Variants in GNA15 observed in about 807,000 individuals in gnomAD.
GNA15 encodes the protein G protein subunit alpha 15, also known as guanine nucleotide-binding protein subunit alpha-15.
In GNA15, 23 loss-of-function variants were observed where a neutral mutation model predicts 40.1. That is an observed-to-expected ratio of 0.57 (90% CI 0.41 to 0.81). GNA15 has a LOEUF of 0.81. Ranked by LOEUF, GNA15 falls within the 40% of genes least tolerant of loss-of-function variation. GNA15 has a pLI of 0.00. For missense variants in GNA15, 522 were observed against 515.8 expected (o/e 1.01, Z -0.12); for synonymous variants, 226 against 210.4 (o/e 1.07, Z -0.64).
At position 3,136,266 on chromosome 19, in the gene GNA15, C is replaced by T. The variant is rs1026969497; in HGVS notation, c.-185C>T. On this transcript the variant is annotated 5_prime_UTR_variant, in exon 1 of 7. Coordinates refer to ENST00000262958, the MANE Select transcript of GNA15 (RefSeq NM_002068.4). The surrounding 1 kb of genome is among the most constrained non-coding windows in gnomAD (Gnocchi z 4.9). Reference sequence around the variant, plus strand: ...CACTCAAGCCTTGCCACCGCCGAGCCGGGCTTCCTGGGTGTTTCAGGCAAG... The same window carrying T: ...CACTCAAGCCTTGCCACCGCCGAGCTGGGCTTCCTGGGTGTTTCAGGCAAG... 3.3e-6 allele frequency: 2 copies of T among 602,492 alleles called. No individual in the cohort carries two copies. Among genetic ancestry groups the T allele is most frequent in the Admixed American group, 3.1e-5 (1 of 32,276 alleles). 37.3% of individuals were successfully genotyped at this position (602,492 alleles called of 1,614,324 possible).
intron 1 of GNA15, among the ~76,000 whole-genome samples, chr19:3,145,570 G>A (rs1206740025): frequency 3.7e-5 from 4 of 108,306 alleles, no homozygotes; most frequent in African/African-American, 1.5e-4. Flanking sequence ...TTATTTTTGA[G>A]ATAGAGTCTC....
At chr19:3,153,758 G>A (rs994955883) in intron 4 of GNA15, among the ~76,000 whole-genome samples, 5 of 151,424 alleles carry the variant, frequency 3.3e-5, no homozygotes, top group African/African-American at 1.2e-4. Flanking sequence ...ATGGGTGGAT[G>A]AGTGGATGGA....
intron 1 of GNA15, among the ~76,000 whole-genome samples, chr19:3,138,180 C>T (rs183979603): frequency 1.7e-4 from 26 of 151,832 alleles, no homozygotes; most frequent in South Asian, 6.3e-4. Flanking sequence ...GCAGGAGAAT[C>T]GCTTGAAACC....
intron 6 of GNA15, 38 bp from the exon 7 acceptor site, chr19:3,162,755 G>A: frequency 6.9e-7 from 1 of 1,452,040 alleles, no homozygotes; most frequent in Non-Finnish European, 9.7e-7. Flanking sequence ...GGTCCAAAGA[G>A]GGAGGGTCCT....
At chr19:3,161,487 T>G (rs1013526309) in intron 6 of GNA15, among the ~76,000 whole-genome samples, 1 of 152,140 alleles carries the variant, frequency 6.6e-6, no homozygotes, top group Non-Finnish European at 1.5e-5. Flanking sequence ...TCAGAGCCCA[T>G]GAGGCCAATT....
At chr19:3,145,999 C>T (rs1250741596) in intron 1 of GNA15, among the ~76,000 whole-genome samples, 2 of 152,158 alleles carry the variant, frequency 1.3e-5, no homozygotes, top group East Asian at 1.9e-4. Flanking sequence ...GCGTTGGAGA[C>T]AGCCCTTTGG....
intron 6 of GNA15, among the ~76,000 whole-genome samples, chr19:3,158,399 G>A (rs1348749173): frequency 2.6e-5 from 4 of 151,930 alleles, no homozygotes; most frequent in Admixed American, 1.3e-4. Flanking sequence ...TGATCCACCC[G>A]CCTCAGCCTC....
At chr19:3,148,845 G>A (rs1009495553) in intron 2 of GNA15, 70 bp downstream of exon 2, 5 of 1,444,464 alleles carry the variant, frequency 3.5e-6, no homozygotes, top group Non-Finnish European at 4.6e-6. Flanking sequence ...AGACCCCGGA[G>A]CAGGGCCAAG....
chr19:3,152,882 C>A (rs1423183504), intron 4 of GNA15, among the ~76,000 whole-genome samples: 1 of 152,094 alleles, frequency 6.6e-6, no homozygotes, highest in Non-Finnish European at 1.5e-5. Flanking sequence ...GTCTCCTCTA[C>A]AAGATGGAGA....
chr19:3,150,766 G>A (rs1353696119), intron 3 of GNA15, among the ~76,000 whole-genome samples: 1 of 152,000 alleles, frequency 6.6e-6, no homozygotes, highest in African/African-American at 2.4e-5. Context: ...TGTTCTTGGG[G>A]GGAACCCTGA....
Position 3,150,115 on chromosome 19 carries a change from C to T in GNA15, c.331-16C>T, listed in dbSNP as rs1270102087. The T allele has an allele frequency of 8.1e-6, 13 of 1,608,716 alleles. No homozygotes were observed. In the East Asian group the frequency reaches 2.2e-4, roughly 28 times the overall value. ...TCAGAAAGGCTACCCTAACTGCCCC[C>T]GTCCTCCCTCCCCAGCACCACGCTA... On this transcript the variant is annotated splice_polypyrimidine_tract_variant and intron_variant, in intron 2 of 6. Coordinates refer to ENST00000262958, the MANE Select transcript of GNA15 (RefSeq NM_002068.4).
At position 3,148,595 on chromosome 19, in the gene GNA15, A is replaced by G; in HGVS notation, c.150A>G (p.Pro50=). 1.9e-6 allele frequency: 3 copies of G among 1,574,248 alleles called. No individual in the cohort carries two copies. The highest frequency in any genetic ancestry group is 2.6e-6 in the Non-Finnish European group (3 of 1,159,530). Residue 50 remains proline (P), a synonymous_variant, in exon 2 of 7, where the codon CCA becomes CCG. Transcript: ENST00000262958. ...GTTCTGCTGCTCCATCCCCAGGCCC[A>G]GGCGAGAGCGGGAAGAGCACCTTCA... ...RGELKLLLLG[P]GESGKSTFIK... is the part of the protein sequence containing the mutation.
chr19:3,148,590 G>C lies in GNA15; in HGVS notation c.146-1G>C. On this transcript the variant is annotated splice_acceptor_variant, in intron 1 of 6. Coordinates refer to ENST00000262958, the MANE Select transcript of GNA15 (RefSeq NM_002068.4). LOFTEE classifies it high-confidence loss of function. Reference sequence around the variant, plus strand: ...GAGCGGTTCTGCTGCTCCATCCCCAGGCCCAGGCGAGAGCGGGAAGAGCAC... The same window carrying C: ...GAGCGGTTCTGCTGCTCCATCCCCACGCCCAGGCGAGAGCGGGAAGAGCAC... 6.4e-7 allele frequency: 1 copy of C among 1,570,546 alleles called. No homozygotes were observed. Among genetic ancestry groups the C allele is most frequent in the Non-Finnish European group, 8.6e-7 (1 of 1,157,542 alleles).
chr19:3,161,660 G>C (rs1431221917), intron 6 of GNA15, among the ~76,000 whole-genome samples: 5 of 152,080 alleles, frequency 3.3e-5, no homozygotes, highest in Admixed American at 1.3e-4. Flanking sequence ...TTTTCATTCA[G>C]GTCAAAGGGA....
At chr19:3,158,861 G>C (rs562096782) in intron 6 of GNA15, among the ~76,000 whole-genome samples, 6 of 151,852 alleles carry the variant, frequency 4.0e-5, no homozygotes, top group African/African-American at 1.4e-4. Context: ...GTCTCGAACT[G>C]ACCTCAAGTG....
chr19:3,146,029 C>A (rs915230386), intron 1 of GNA15, among the ~76,000 whole-genome samples: 3 of 152,108 alleles, frequency 2.0e-5, no homozygotes, highest in Non-Finnish European at 4.4e-5. Context: ...AGGTGACACC[C>A]CCGCCCCTTC....
At chr19:3,156,160 CCAGA>C (rs1454980819) in intron 5 of GNA15, among the ~76,000 whole-genome samples, 12 of 107,656 alleles carry the variant, frequency 1.1e-4, no homozygotes, top group African/African-American at 5.6e-4. Context: ...GGTCAGGACC[CCAGA>C]CACACACACA....
Position 3,148,772 on chromosome 19 carries a change from C to A in GNA15, c.327C>A (p.Ser109Arg). 6.3e-7 allele frequency: 1 copy of A among 1,593,064 alleles called. No individual in the cohort carries two copies. Among genetic ancestry groups the A allele is most frequent in the Non-Finnish European group, 8.6e-7 (1 of 1,169,570 alleles). ...RLQIPFSRPE[S>R]KHHASLVMSQ... ...AGATTCCATTCAGCAGGCCCGAGAG[C>A]AAGGTGAGCCGCCAGGGCAGGCAGG... is the stretch of plus-strand genomic sequence containing the variant. Residue 109 changes from serine (S) to arginine (R), a missense_variant, in exon 2 of 7, where the codon AGC (serine) becomes AGA (arginine). Coordinates refer to ENST00000262958, the MANE Select transcript of GNA15 (RefSeq NM_002068.4).
chr19:3,150,884 G>A (rs977184052), intron 3 of GNA15, among the ~76,000 whole-genome samples: 1 of 151,930 alleles, frequency 6.6e-6, no homozygotes, highest in African/African-American at 2.4e-5. Context: ...CTGTTTCTGG[G>A]GGGACCCTGT....
Sources: gnomAD v4.1 joint callset for allele counts (sites outside exome capture counted in the v4.1 genomes callset) on GRCh38, gnomAD v4.1.1 for gene constraint, Gnocchi (gnomAD v3.1) non-coding constraint, MANE v1.5 for transcripts, NCBI Gene and HGNC (gene_info 2026-07-23, HGNC 2026-07-21) for gene names.